The following NDUFAF6 variants were observed in gnomAD, a reference collection of about 807,000 sequenced individuals.
NDUFAF6 encodes NADH:ubiquinone oxidoreductase complex assembly factor 6, also known as NADH dehydrogenase (ubiquinone) complex I, assembly factor 6.
Under a neutral mutation model 40.8 loss-of-function variants are expected in NDUFAF6, and 45 were observed. That is an observed-to-expected ratio of 1.10 (90% confidence interval 0.87 to 1.42). The LOEUF is 1.42. NDUFAF6 is among the 40% of genes most tolerant of loss of function. NDUFAF6 has a pLI of 0.00. For synonymous variants in NDUFAF6, 185 were observed against 155.9 expected (o/e 1.19, Z -1.39); for missense variants, 435 against 418.5 (o/e 1.04, Z -0.34).
intron 1 of NDUFAF6, among the ~76,000 whole-genome samples, chr8:94,912,463 C>T (rs981817295): frequency 2.6e-5 from 4 of 152,128 alleles, no homozygotes; most frequent in South Asian, 2.1e-4. Flanking sequence ...GTGAAATGTA[C>T]GAAGAACTAA....
intron 1 of NDUFAF6, among the ~76,000 whole-genome samples, chr8:94,943,421 A>G (rs909521204): frequency 6.6e-6 from 1 of 152,200 alleles, no homozygotes; most frequent in African/African-American, 2.4e-5. Context: ...TCCAGGTTCA[A>G]GGATGCAGTA....
intron 2 of NDUFAF6, among the ~76,000 whole-genome samples, chr8:94,991,468 A>C (rs73274781): frequency 4.4e-4 from 67 of 152,308 alleles, no homozygotes; most frequent in African/African-American, 1.4e-3. Flanking sequence ...GAAGTGACTC[A>C]GCGTTTCTAA....
At chr8:95,041,538 T>G (rs772369645) in intron 3 of NDUFAF6, 32 bp from the exon 4 acceptor site, 1 of 1,453,964 alleles carries the variant, frequency 6.9e-7, no homozygotes, top group Non-Finnish European at 9.5e-7. Context: ...TCTAGTACTT[T>G]CTAAAAACTT....
intron 2 of NDUFAF6, chr8:95,085,651 T>C (rs2165496): frequency 0.64 from 95,373 of 149,602 alleles, 31,506 homozygotes; most frequent in African/African-American, 0.8. Flanking sequence ...CTGGGCAATA[T>C]GGTGAGACCT....
intron 1 of NDUFAF6, among the ~76,000 whole-genome samples, chr8:95,100,888 C>T (rs1809628241): frequency 1.3e-5 from 2 of 152,160 alleles, no homozygotes; most frequent in African/African-American, 4.8e-5. Context: ...TCTCTTCCCT[C>T]CCGACCCCCC....
At chr8:94,963,744 G>A (rs1823787465) in intron 1 of NDUFAF6, among the ~76,000 whole-genome samples, 1 of 152,210 alleles carries the variant, frequency 6.6e-6, no homozygotes, top group Non-Finnish European at 1.5e-5. Context: ...ACCCATGACA[G>A]CAGGTCTAGG....
chr8:95,088,522 C>T (rs1809125946), intron 2 of NDUFAF6, among the ~76,000 whole-genome samples: 1 of 152,146 alleles, frequency 6.6e-6, no homozygotes, highest in Admixed American at 6.5e-5. Flanking sequence ...CTTTGTAAAA[C>T]AACAGGATGG....
rs1187579216 is a variant in NDUFAF6, at chr8:95,052,230, G to A, written c.873G>A (p.Thr291=). Residue 291 remains threonine (T), a splice_region_variant and synonymous_variant, in exon 8 of 9, where the codon ACG becomes ACA. Coordinates refer to ENST00000396124, the MANE Select transcript of NDUFAF6 (RefSeq NM_152416.4). The stretch of plus-strand genomic sequence containing the variant: ...AAGCATTTCCTGCTTTTCTTCAGAC[G>A]GTAAGTAGATTAACAGAGAAGGCTG... The part of the protein sequence containing the change: ...PVKAFPAFLQ[T]VSLEDFLKKI... 13 of 1,613,696 alleles carry A rather than the reference G, an allele frequency of 8.1e-6. No individual in the cohort carries two copies. The highest frequency in any genetic ancestry group is 4.5e-5 in the East Asian group (2 of 44,880).
chr8:95,008,694 A>G (rs576920937), intron 2 of NDUFAF6, among the ~76,000 whole-genome samples: 78 of 152,156 alleles, frequency 5.1e-4, no homozygotes, highest in African/African-American at 1.8e-3. Context: ...TTTTTAGTAG[A>G]GACAGGGTTT....
chr8:94,920,611 G>A (rs1819433614), intron 1 of NDUFAF6, among the ~76,000 whole-genome samples: 1 of 152,252 alleles, frequency 6.6e-6, no homozygotes, highest in African/African-American at 2.4e-5. Context: ...TGGGGTTTGA[G>A]TCCCACTGCT....
chr8:95,007,292 A>G (rs1827032510), intron 2 of NDUFAF6, among the ~76,000 whole-genome samples: 1 of 85,252 alleles, frequency 1.2e-5, no homozygotes, highest in Admixed American at 1.4e-4. Flanking sequence ...TTAACAAACT[A>G]ATGCCTGTAA....
At chr8:94,898,572 T>C (rs1033015138) in intron 1 of NDUFAF6, among the ~76,000 whole-genome samples, 1 of 152,224 alleles carries the variant, frequency 6.6e-6, no homozygotes, top group African/African-American at 2.4e-5. Context: ...GATGTTGATC[T>C]TGACCGCTTG....
At chr8:95,027,441 A>G (rs1054018885) in intron 1 of NDUFAF6, among the ~76,000 whole-genome samples, 13 of 152,002 alleles carry the variant, frequency 8.6e-5, no homozygotes, top group African/African-American at 2.7e-4. Flanking sequence ...TTAGCTGGGC[A>G]TGGTGGTAAG....
intron 2 of NDUFAF6, among the ~76,000 whole-genome samples, chr8:94,948,630 G>C (rs1476944814): frequency 6.6e-6 from 1 of 152,164 alleles, no homozygotes; most frequent in East Asian, 1.9e-4. Context: ...GCAGGGCGGG[G>C]ACAGAGCGCC....
intron 1 of NDUFAF6, among the ~76,000 whole-genome samples, chr8:94,971,957 T>C (rs1824502057): frequency 6.6e-6 from 1 of 152,008 alleles, no homozygotes; most frequent in Non-Finnish European, 1.5e-5. Context: ...TCAAAAAAAA[T>C]TCTGACTCAT....
downstream of NDUFAF6, among the ~76,000 whole-genome samples, chr8:95,117,471 G>A (rs182912367): frequency 6.6e-6 from 1 of 152,246 alleles, no homozygotes; most frequent in Admixed American, 6.5e-5. Context: ...TGTGTGTGTG[G>A]TTGTACAAGT....
downstream of NDUFAF6, chr8:95,058,817 C>T (rs1202345207): frequency 9.3e-6 from 9 of 969,242 alleles, no homozygotes; most frequent in Non-Finnish European, 8.6e-6. Context: ...TGAAATGAGG[C>T]ACATTTTTGT....
chr8:94,909,143 C>T (rs192169092), intron 1 of NDUFAF6, among the ~76,000 whole-genome samples: 50 of 151,984 alleles, frequency 3.3e-4, no homozygotes, highest in African/African-American at 1.1e-3. Context: ...GTCAGGAGTT[C>T]GAGACCAGCC....
intron 4 of NDUFAF6, among the ~76,000 whole-genome samples, chr8:95,115,058 T>TA (rs56365274): frequency 4.5e-4 from 67 of 148,956 alleles, no homozygotes; most frequent in Non-Finnish European, 6.9e-4. Context: ...CGAGACTGTT[T>TA]AAAAAAAAAA....
Sources: allele counts gnomAD v4.1 joint callset (sites outside exome capture counted in the v4.1 genomes callset), GRCh38; gene constraint gnomAD v4.1.1; transcripts MANE v1.5; gene names NCBI Gene and HGNC (gene_info 2026-07-23, HGNC 2026-07-21).